The following SIRPA variants were observed in gnomAD, a reference collection of about 807,000 sequenced individuals.
SIRPA encodes the protein signal regulatory protein alpha.
A neutral mutation model predicts 50.3 loss-of-function variants in SIRPA; 9 were observed. The observed-to-expected ratio is 0.18, with a 90% CI of 0.11 to 0.31. SIRPA has a LOEUF of 0.31. Among genes scored for constraint, SIRPA ranks in the 10% least tolerant of loss-of-function variants. SIRPA has a pLI of 1.00. For missense variants in SIRPA, 474 were observed against 661.6 expected (o/e 0.72, Z 3.11); for synonymous variants, 265 against 284.1 (o/e 0.93, Z 0.68).
At chr20:1,918,593 T>C (rs1247172929) in intron 2 of SIRPA, among the ~76,000 whole-genome samples, 1 of 151,862 alleles carries the variant, frequency 6.6e-6, no homozygotes, top group Admixed American at 6.6e-5. Flanking sequence ...GCGTAGAACG[T>C]CGATAATTGT....
Position 1,921,495 on chromosome 20 carries a change from C to T in SIRPA, c.537C>T (p.Asp179=). 5 of 1,614,044 alleles carry T rather than the reference C, an allele frequency of 3.1e-6. No homozygotes were observed. Among genetic ancestry groups the T allele is most frequent in the Non-Finnish European group, 4.2e-6 (5 of 1,179,918 alleles). ...AGTCCCACGGCTTCTCACCCAGAGACATCACCCTGAAATGGTTCAAAAATG... is the reference window on the plus strand; with the variant it reads ...AGTCCCACGGCTTCTCACCCAGAGATATCACCCTGAAATGGTTCAAAAATG... The part of the protein sequence containing the change: ...TCESHGFSPR[D]ITLKWFKNGN... Residue 179 remains aspartate (D), a synonymous_variant, in exon 3 of 8, where the codon GAC becomes GAT. Transcript: ENST00000358771.
chr20:1,916,963 C>T (rs1237343584), intron 2 of SIRPA, among the ~76,000 whole-genome samples: 1 of 152,182 alleles, frequency 6.6e-6, no homozygotes, highest in Non-Finnish European at 1.5e-5. Context: ...GTGGCTTTAT[C>T]CTGATTGTGC....
At position 1,932,053 on chromosome 20, in the gene SIRPA, GATTCATTC is replaced by G. The variant is rs3831741; in HGVS notation, c.1227-2636_1227-2629del. 4.3e-4 allele frequency among the ~76,000 whole-genome samples: 65 copies of G among 151,536 alleles called. No individual in the cohort carries two copies. Among genetic ancestry groups the G allele is most frequent in the Middle Eastern group, 3.4e-3 (1 of 294 alleles). On this transcript the variant is annotated intron_variant, in intron 6 of 7. Transcript: ENST00000358771. This position sits in a 1 kb window ranked among gnomAD's most constrained non-coding sequence, Gnocchi z 6.0. The stretch of plus-strand genomic sequence containing the variant: ...ATGGCACTTAAGAGCCAGTGAGAAA[GATTCATTC>G]ATTCATTCATTCATTCATTCATTCA...
In SIRPA at chr20:1,936,153, G is replaced by A. The variant is rs1056919432; in HGVS notation, c.1267-1167G>A. ...GCCATTACCGTGCACCAACTAGGAGGTGTGCCGGTTGGTGGTAGCTTTATT... is the reference window on the plus strand; with the variant it reads ...GCCATTACCGTGCACCAACTAGGAGATGTGCCGGTTGGTGGTAGCTTTATT... On this transcript the variant is annotated intron_variant, in intron 7 of 7. Transcript: ENST00000358771. The surrounding 1 kb of genome is among the most constrained non-coding windows in gnomAD (Gnocchi z 4.2). Among the ~76,000 whole-genome samples, 6 of 152,132 alleles carry A rather than the reference G, an allele frequency of 3.9e-5. No individual in the cohort carries two copies. The highest frequency in any genetic ancestry group is 1.4e-4 in the African/African-American group (6 of 41,434).
chr20:1,895,255 G>C, upstream of SIRPA: 1 of 439,290 alleles, frequency 2.3e-6, no homozygotes, highest in Non-Finnish European at 4.0e-6. Context: ...TTTCTCCTGG[G>C]GGGCGGGGAG....
In SIRPA at chr20:1,918,866, G is replaced by A. The variant is rs577339370; in HGVS notation, c.437-2529G>A. ...CTCCTGCAGAAGTGTGGTTAGGAGA[G>A]TGTGGCCAGAGTCCAACTGCCTGGG... On this transcript the variant is annotated intron_variant, in intron 2 of 7. Coordinates refer to ENST00000358771, the MANE Select transcript of SIRPA (RefSeq NM_001040023.2). Among the ~76,000 whole-genome samples, 119 of 152,286 alleles carry A rather than the reference G, an allele frequency of 7.8e-4. 1 individual carries two copies. The highest frequency in any genetic ancestry group is 3.7e-3 in the Admixed American group (56 of 15,296).
rs978063572 is a variant in SIRPA at position 1,928,537 on chromosome 20, C to T, written c.1226+638C>T. Reference sequence around the variant, plus strand: ...CCCAGGCTTTCATGGGGCTCAGACGCCGGTGAGAGAAACAGGCATAAACGC... The same window carrying T: ...CCCAGGCTTTCATGGGGCTCAGACGTCGGTGAGAGAAACAGGCATAAACGC... On this transcript the variant is annotated intron_variant, in intron 6 of 7. Transcript: ENST00000358771. The surrounding 1 kb of genome is among the most constrained non-coding windows in gnomAD (Gnocchi z 4.9). 2.0e-5 allele frequency among the ~76,000 whole-genome samples: 3 copies of T among 152,142 alleles called. No homozygotes were observed. Among genetic ancestry groups the T allele is most frequent in the Non-Finnish European group, 2.9e-5 (2 of 68,040 alleles).
intron 5 of SIRPA, among the ~76,000 whole-genome samples, chr20:1,925,227 C>T (rs1985910698): frequency 1.3e-5 from 2 of 152,224 alleles, no homozygotes; most frequent in South Asian, 2.1e-4. Context: ...CGGCAGACTT[C>T]TGCTTTCCTG....
At position 1,915,155 on chromosome 20, in the gene SIRPA, G is replaced by A. The variant is rs775380062; in HGVS notation, c.136G>A (p.Ala46Thr). The A allele has an allele frequency of 5.2e-5, 78 of 1,513,134 alleles. 1 individual carries two copies. In the African/African-American group the frequency reaches 1.0e-3, roughly 20 times the overall value. 93.7% of individuals were successfully genotyped at this position (1,513,134 alleles called of 1,614,324 possible). ...TCAGCCTGACAAGTCCGTGTTGGTTGCAGCTGGAGAGACAGCCACTCTGCG... is the reference window on the plus strand; with the variant it reads ...TCAGCCTGACAAGTCCGTGTTGGTTACAGCTGGAGAGACAGCCACTCTGCG... Reference protein sequence around the residue: ...VIQPDKSVLVAAGETATLRCT... With the variant: ...VIQPDKSVLVTAGETATLRCT... The change falls in exon 2 of 8, where the codon GCA becomes ACA. Residue 46 changes from alanine to threonine, a missense_variant. Ala to Thr is a moderately conservative substitution (Grantham distance 58, BLOSUM62 0). Transcript: ENST00000358771.
chr20:1,930,627 G>A (rs184285347), intron 6 of SIRPA, among the ~76,000 whole-genome samples: 153 of 152,160 alleles, frequency 1.0e-3, no homozygotes, highest in African/African-American at 3.5e-3. Context: ...TTTTGCTCTT[G>A]TTGCCCATGC....
rs752933959 is a variant in SIRPA at position 1,922,297 on chromosome 20, C to T, written c.755-16C>T. On this transcript the variant is annotated splice_polypyrimidine_tract_variant and intron_variant, in intron 3 of 7. Transcript: ENST00000358771. Reference sequence around the variant, plus strand: ...CTGTGCCACAAGGTCAGAGCTTCTGCCCTGTGCTGTTTCAGTTCCACCCAC... The same window carrying T: ...CTGTGCCACAAGGTCAGAGCTTCTGTCCTGTGCTGTTTCAGTTCCACCCAC... The T allele has an allele frequency of 6.2e-7, 1 of 1,613,220 alleles. No individual in the cohort carries two copies. Among genetic ancestry groups the T allele is most frequent in the Non-Finnish European group, 8.5e-7 (1 of 1,179,346 alleles).
rs1375887249 is a variant in SIRPA, at chr20:1,933,875, A to G, written c.1227-840A>G. Reference sequence around the variant, plus strand: ...GTCATGACCTCCAATTACAGAAGCAAGTGCACGAACAACTTCTTTGATTAA... The same window carrying G: ...GTCATGACCTCCAATTACAGAAGCAGGTGCACGAACAACTTCTTTGATTAA... On this transcript the variant is annotated intron_variant, in intron 6 of 7. Transcript: ENST00000358771. This position sits in a 1 kb window ranked among gnomAD's most constrained non-coding sequence, Gnocchi z 4.4. Among the ~76,000 whole-genome samples the G allele has an allele frequency of 1.3e-5, 2 of 152,194 alleles. No homozygotes were observed. Among genetic ancestry groups the G allele is most frequent in the Non-Finnish European group, 2.9e-5 (2 of 68,042 alleles).
At chr20:1,901,662 G>C (rs1984220340) in intron 1 of SIRPA, among the ~76,000 whole-genome samples, 1 of 152,182 alleles carries the variant, frequency 6.6e-6, no homozygotes, top group Non-Finnish European at 1.5e-5. Flanking sequence ...TTCCCTGCCA[G>C]GTGTCTTGCC....
At chr20:1,897,432 T>C (rs1326361717) in intron 1 of SIRPA, among the ~76,000 whole-genome samples, 2 of 152,232 alleles carry the variant, frequency 1.3e-5, no homozygotes, top group Non-Finnish European at 2.9e-5. Context: ...TTCGGGGTCC[T>C]GGTCACACCA....
intron 2 of SIRPA, among the ~76,000 whole-genome samples, chr20:1,920,512 T>C (rs1985585593): frequency 6.6e-6 from 1 of 152,190 alleles, no homozygotes; most frequent in African/African-American, 2.4e-5. Flanking sequence ...CAGGAAGTGC[T>C]TCTGCCTGCT....
intron 7 of SIRPA, among the ~76,000 whole-genome samples, chr20:1,935,242 C>T (rs571236457): frequency 1.2e-4 from 19 of 152,242 alleles, no homozygotes; most frequent in Non-Finnish European, 2.6e-4. Context: ...CACAAGGGCA[C>T]ACTCACTCAA....
chr20:1,926,632 A>G (rs1003213954), intron 5 of SIRPA, among the ~76,000 whole-genome samples: 1 of 152,234 alleles, frequency 6.6e-6, no homozygotes, highest in Non-Finnish European at 1.5e-5. Context: ...CTTTCCCTGT[A>G]GTAACAGTCA....
rs554697676 is a variant in SIRPA at position 1,905,481 on chromosome 20, T to C, written c.80-9618T>C. 3.3e-5 allele frequency among the ~76,000 whole-genome samples: 5 copies of C among 152,260 alleles called. No individual in the cohort carries two copies. The South Asian group carries it at 6.2e-4, about 19-fold the overall frequency. ...CTGAGGGCTAAATGAAGGCTTCTGG[T>C]TATCTGGCCTAACCCATGCATTTCC... On this transcript the variant is annotated intron_variant, in intron 1 of 7. Coordinates refer to ENST00000358771, the MANE Select transcript of SIRPA (RefSeq NM_001040023.2).
At chr20:1,922,220 T>A in intron 3 of SIRPA, 93 bp from the exon 4 acceptor site, 1 of 1,501,476 alleles carries the variant, frequency 6.7e-7, no homozygotes, top group South Asian at 1.2e-5. Flanking sequence ...GTCCTGGTGA[T>A]GACCTCACCG....
Sources: allele counts gnomAD v4.1 joint callset (sites outside exome capture counted in the v4.1 genomes callset), GRCh38; gene constraint gnomAD v4.1.1; non-coding constraint Gnocchi (gnomAD v3.1); transcripts MANE v1.5; gene names NCBI Gene and HGNC (gene_info 2026-07-23, HGNC 2026-07-21).